TAF1A: variants seen among roughly 807,000 people sequenced by gnomAD.
The protein encoded by TAF1A is TATA-box binding protein associated factor, RNA polymerase I subunit A.
In TAF1A, 42 loss-of-function variants were observed where a neutral mutation model predicts 61.6. That is an observed-to-expected ratio of 0.68 (90% CI 0.53 to 0.88). TAF1A has a LOEUF of 0.88. Ranked by LOEUF, TAF1A falls within the 40% of genes least tolerant of loss-of-function variation. The pLI is 0.00. For missense variants in TAF1A, 424 were observed against 518.7 expected (o/e 0.82, Z 1.77); for synonymous variants, 179 against 177.7 (o/e 1.01, Z -0.06).
chr1:222,571,211 T>C (rs936659967), intron 5 of TAF1A, among the ~76,000 whole-genome samples: 6 of 152,070 alleles, frequency 3.9e-5, no homozygotes, highest in Admixed American at 3.3e-4. Flanking sequence ...GACTCAACAA[T>C]GTAGGAACAG....
At chr1:222,577,825 C>T (rs1466894530) in intron 4 of TAF1A, among the ~76,000 whole-genome samples, 182 bp from the exon 5 acceptor site, 1 of 152,078 alleles carries the variant, frequency 6.6e-6, no homozygotes, top group Non-Finnish European at 1.5e-5. Context: ...ACAATTAACA[C>T]TATGTAAATA....
At chr1:222,556,815 G>A (rs1659733514), downstream of TAF1A, among the ~76,000 whole-genome samples, 1 of 152,124 alleles carries the variant, frequency 6.6e-6, no homozygotes, top group East Asian at 1.9e-4. Context: ...TATAGCTTTT[G>A]ACTAAAAGTT....
chr1:222,566,302 C>A (rs1327622495), intron 7 of TAF1A, among the ~76,000 whole-genome samples: 3 of 152,178 alleles, frequency 2.0e-5, no homozygotes, highest in African/African-American at 7.2e-5. Context: ...ACTAGGATAG[C>A]GGTCCCCAAC....
At chr1:222,582,817 T>C (rs966035303) in intron 3 of TAF1A, among the ~76,000 whole-genome samples, 3 of 152,218 alleles carry the variant, frequency 2.0e-5, no homozygotes, top group African/African-American at 4.8e-5. Context: ...GAAAACATTA[T>C]GCCAAGTGAA....
intron 7 of TAF1A, among the ~76,000 whole-genome samples, chr1:222,567,736 T>C (rs1660172916): frequency 6.6e-6 from 1 of 152,134 alleles, no homozygotes; most frequent in Admixed American, 6.6e-5. Flanking sequence ...ACAATATACA[T>C]GGAAAGTTAA....
chr1:222,569,222 T>G, intron 7 of TAF1A: 1 of 1,216,268 alleles, frequency 8.2e-7, no homozygotes, highest in Non-Finnish European at 1.0e-6. Flanking sequence ...CTCTGAAAAC[T>G]AAATTTCAAT....
At chr1:222,564,655 AAATT>A (rs2102642029) in intron 7 of TAF1A, among the ~76,000 whole-genome samples, 1 of 152,268 alleles carries the variant, frequency 6.6e-6, no homozygotes, top group East Asian at 1.9e-4. Context: ...CACAATGAAA[AAATT>A]AAAGATTTTT....
At chr1:222,578,054 T>A (rs1660643830) in intron 4 of TAF1A, among the ~76,000 whole-genome samples, 1 of 152,214 alleles carries the variant, frequency 6.6e-6, no homozygotes, top group Non-Finnish European at 1.5e-5. Context: ...GCAAATCACC[T>A]AATAGTTTGG....
chr1:222,577,483 T>G lies in TAF1A; in HGVS notation c.566A>C (p.Tyr189Ser). ...IQAYKGLLQYYTWSEKKMELS... is the reference protein window; with the variant it reads ...IQAYKGLLQYSTWSEKKMELS... ...TTCCATCTTCTTTTCAGACCAGGTA[T>G]AATACTGTAAAAGCCCTTTATAGGC... Residue 189 changes from tyrosine (Y) to serine (S), a missense_variant, in exon 5 of 11, where the codon TAT (tyrosine) becomes TCT (serine). Coordinates refer to ENST00000352967, the MANE Select transcript of TAF1A (RefSeq NM_005681.4). 6.2e-7 allele frequency: 1 copy of G among 1,613,950 alleles called. No individual in the cohort carries two copies. Among genetic ancestry groups the G allele is most frequent in the Non-Finnish European group, 8.5e-7 (1 of 1,179,896 alleles).
rs1461711023 is a variant in TAF1A at position 222,569,675 on chromosome 1, A to T, written c.736-7T>A. ...CCCCATAGAATTCCAGCATCTATAT[A>T]AAATAAATCATAATATCTTAGCTGA... On this transcript the variant is annotated splice_region_variant and splice_polypyrimidine_tract_variant and intron_variant, in intron 6 of 10. Coordinates refer to ENST00000352967, the MANE Select transcript of TAF1A (RefSeq NM_005681.4). 1.2e-6 allele frequency: 2 copies of T among 1,604,840 alleles called. No individual in the cohort carries two copies. The highest frequency in any genetic ancestry group is 1.7e-6 in the Non-Finnish European group (2 of 1,177,134).
intron 7 of TAF1A, among the ~76,000 whole-genome samples, chr1:222,568,182 A>G (rs1660193906): frequency 3.6e-5 from 1 of 27,740 alleles, no homozygotes; most frequent in South Asian, 1.1e-3. Flanking sequence ...ACACATCTAG[A>G]AAAAAAAAAA....
chr1:222,555,168 A>C (rs947158021), downstream of TAF1A, among the ~76,000 whole-genome samples: 4 of 152,218 alleles, frequency 2.6e-5, no homozygotes, highest in Admixed American at 6.5e-5. Flanking sequence ...GAGAAGAGGA[A>C]GCGCTTGTAT....
intron 7 of TAF1A, among the ~76,000 whole-genome samples, chr1:222,565,563 T>C (rs1175121136): frequency 6.6e-6 from 1 of 152,246 alleles, no homozygotes; most frequent in Non-Finnish European, 1.5e-5. Flanking sequence ...CAGTCTTGCT[T>C]TTGTTTTAAA....
rs771038972 is a variant in TAF1A, at chr1:222,588,577, T to C, written c.-2-12A>G. On this transcript the variant is annotated splice_polypyrimidine_tract_variant and intron_variant, in intron 1 of 10. Coordinates refer to ENST00000352967, the MANE Select transcript of TAF1A (RefSeq NM_005681.4). Reference sequence around the variant, plus strand: ...GAAATCACTCATACCTATTACAAGATGAGATATCAGTTACTTTCTGTACAT... The same window carrying C: ...GAAATCACTCATACCTATTACAAGACGAGATATCAGTTACTTTCTGTACAT... 6 of 1,611,802 alleles carry C rather than the reference T, an allele frequency of 3.7e-6. No individual in the cohort carries two copies. Among genetic ancestry groups the C allele is most frequent in the African/African-American group, 2.7e-5 (2 of 74,914 alleles).
intron 9 of TAF1A, among the ~76,000 whole-genome samples, chr1:222,562,018 T>G (rs1659934855): frequency 1.3e-5 from 2 of 152,214 alleles, no homozygotes. Context: ...ATTACTTAAG[T>G]AAAACCTTAC....
downstream of TAF1A, among the ~76,000 whole-genome samples, chr1:222,554,975 T>C (rs1659710081): frequency 6.6e-6 from 1 of 152,162 alleles, no homozygotes; most frequent in African/African-American, 2.4e-5. Flanking sequence ...AATTCCACTT[T>C]AAAATGGGCA....
chr1:222,560,778 T>C (rs1659881768), intron 10 of TAF1A, among the ~76,000 whole-genome samples: 1 of 152,214 alleles, frequency 6.6e-6, no homozygotes, highest in African/African-American at 2.4e-5. Context: ...GGACATACTC[T>C]GTGGTAGTTT....
intron 3 of TAF1A, among the ~76,000 whole-genome samples, chr1:222,580,842 T>C (rs1286266372): frequency 6.6e-6 from 1 of 151,658 alleles, no homozygotes; most frequent in Non-Finnish European, 1.5e-5. Flanking sequence ...AGTAATTACA[T>C]GGGACACCAG....
At chr1:222,584,425 T>C (rs1318189644) in intron 2 of TAF1A, 128 bp from the exon 3 acceptor site, 2 of 725,362 alleles carry the variant, frequency 2.8e-6, no homozygotes. Flanking sequence ...CCATTCCCAG[T>C]ACCAAAGCCA....
Sources: gnomAD v4.1 joint callset for allele counts (sites outside exome capture counted in the v4.1 genomes callset) on GRCh38, gnomAD v4.1.1 for gene constraint, MANE v1.5 for transcripts, NCBI Gene and HGNC (gene_info 2026-07-23, HGNC 2026-07-21) for gene names.